The following ZBTB20 variants were observed in gnomAD, a reference collection of about 807,000 sequenced individuals.
The protein encoded by ZBTB20 is zinc finger and BTB domain-containing protein 20.
Under a neutral mutation model 56.9 loss-of-function variants are expected in ZBTB20, and 9 were observed. The ratio of observed to expected loss-of-function variants is 0.16; its 90% CI spans 0.10 to 0.28. The LOEUF (loss-of-function observed/expected upper bound fraction) is 0.28, where lower values mean the gene tolerates loss of function less well. Ranked by LOEUF, ZBTB20 falls within the 10% of genes least tolerant of loss-of-function variation. ZBTB20 has a pLI of 1.00. For synonymous variants in ZBTB20, 417 were observed against 420.7 expected, an observed-to-expected ratio of 0.99 and a Z score of 0.11; for missense variants, 655 against 1,003.0, an observed-to-expected ratio of 0.65 and a Z score of 4.69.
chr3:114,649,659 G>GA (rs1271565820), intron 6 of ZBTB20, among the ~76,000 whole-genome samples: 7 of 151,378 alleles, frequency 4.6e-5, no homozygotes, highest in East Asian at 1.9e-4. Context: ...TCTATATATA[G>GA]AAAAAAAACA....
At chr3:114,648,970 A>C (rs1269389401) in intron 6 of ZBTB20, among the ~76,000 whole-genome samples, 1 of 152,040 alleles carries the variant, frequency 6.6e-6, no homozygotes, top group East Asian at 1.9e-4. Context: ...AAGTTGACCT[A>C]TACGTTACTA....
intron 7 of ZBTB20, among the ~76,000 whole-genome samples, chr3:114,449,542 G>C (rs753899427): frequency 1.3e-5 from 2 of 151,994 alleles, no homozygotes; most frequent in African/African-American, 2.4e-5. Flanking sequence ...AATATTCTTC[G>C]ATAGCGATGA....
chr3:114,774,874 C>T (rs1252696666), intron 5 of ZBTB20, among the ~76,000 whole-genome samples: 1 of 151,800 alleles, frequency 6.6e-6, no homozygotes, highest in East Asian at 1.9e-4. Context: ...AGATGCTTTA[C>T]AACTGTTACC....
intron 7 of ZBTB20, among the ~76,000 whole-genome samples, chr3:114,463,942 G>T (rs1452562091): frequency 1.3e-5 from 2 of 152,158 alleles, no homozygotes; most frequent in Non-Finnish European, 2.9e-5. Flanking sequence ...TTCAACATAA[G>T]TCATTAATAT....
chr3:114,361,608 G>C (rs2081893806), intron 10 of ZBTB20, among the ~76,000 whole-genome samples: 1 of 152,120 alleles, frequency 6.6e-6, no homozygotes, highest in East Asian at 1.9e-4. Context: ...ATAAAACAAA[G>C]AGTTTTCTTT....
rs2079180330 is a variant in ZBTB20, at chr3:114,329,726, A to AC, written c.*9278_*9279insG. 2 of 149,926 alleles carry AC rather than the reference A, an allele frequency of 1.3e-5. No individual in the cohort carries two copies. Among genetic ancestry groups the AC allele is most frequent in the Non-Finnish European group, 3.0e-5 (2 of 67,464 alleles). 9.3% of individuals were successfully genotyped at this position (149,926 alleles called of 1,614,324 possible). Reference sequence around the variant, plus strand: ...TTTTTTTGGAAAAAAAAAAAAAAAAAAAAAAAAAAAACAACTCCCAGGAAA... The same window carrying AC: ...TTTTTTTGGAAAAAAAAAAAAAAAAACAAAAAAAAAAACAACTCCCAGGAAA... On this transcript the variant is annotated 3_prime_UTR_variant, in exon 12 of 12. Coordinates refer to ENST00000675478, the MANE Select transcript of ZBTB20 (RefSeq NM_001348800.3).
intron 7 of ZBTB20, among the ~76,000 whole-genome samples, chr3:114,488,587 A>G (rs967906493): frequency 1.3e-5 from 2 of 152,232 alleles, no homozygotes; most frequent in Non-Finnish European, 2.9e-5. Context: ...ACTGAAAATT[A>G]CAGAATTAGT....
At chr3:115,003,033 G>T (rs983787832) in intron 2 of ZBTB20, among the ~76,000 whole-genome samples, 4 of 151,566 alleles carry the variant, frequency 2.6e-5, no homozygotes, top group African/African-American at 9.7e-5. Context: ...AGTGCATACT[G>T]CTAAATGAAA....
At chr3:114,642,687 T>C (rs924686934) in intron 6 of ZBTB20, among the ~76,000 whole-genome samples, 1 of 152,078 alleles carries the variant, frequency 6.6e-6, no homozygotes, top group Non-Finnish European at 1.5e-5. Flanking sequence ...CTTGCAATTT[T>C]CTGAAAACGT....
intron 4 of ZBTB20, among the ~76,000 whole-genome samples, chr3:114,828,987 G>C (rs1298117134): frequency 6.6e-6 from 1 of 151,766 alleles, no homozygotes; most frequent in African/African-American, 2.4e-5. Flanking sequence ...GGTCACTTAT[G>C]GATTCTAGCT....
chr3:114,997,676 A>T (rs2108194643), intron 2 of ZBTB20, among the ~76,000 whole-genome samples: 1 of 151,910 alleles, frequency 6.6e-6, no homozygotes, highest in African/African-American at 2.4e-5. Context: ...AATACTGCAA[A>T]ATTTCTAAAA....
chr3:115,146,926 C>A (rs1160796360), intron 1 of ZBTB20, among the ~76,000 whole-genome samples: 1 of 151,388 alleles, frequency 6.6e-6, no homozygotes. Context: ...CTCCCTCCCA[C>A]CTCCCCGCCG....
chr3:114,862,487 A>G (rs2075579610), intron 4 of ZBTB20, among the ~76,000 whole-genome samples: 1 of 152,174 alleles, frequency 6.6e-6, no homozygotes, highest in Admixed American at 6.5e-5. Context: ...TCAAAACTCG[A>G]ATAAACATCC....
At chr3:115,015,420 T>A (rs2079909041) in intron 2 of ZBTB20, among the ~76,000 whole-genome samples, 1 of 151,772 alleles carries the variant, frequency 6.6e-6, no homozygotes, top group African/African-American at 2.4e-5. Flanking sequence ...CACCTAGGTA[T>A]TAAACCCAGC....
intron 2 of ZBTB20, among the ~76,000 whole-genome samples, chr3:114,976,001 T>A (rs113295742): frequency 1.9e-3 from 291 of 152,282 alleles, no homozygotes; most frequent in African/African-American, 6.7e-3. Flanking sequence ...TAAATCTGTA[T>A]CTATTTACAG....
chr3:114,467,583 A>G (rs1320067355), intron 7 of ZBTB20, among the ~76,000 whole-genome samples: 2 of 152,226 alleles, frequency 1.3e-5, no homozygotes, highest in African/African-American at 4.8e-5. Context: ...CATCTTTGAA[A>G]GGACCACCTC....
At chr3:114,554,250 C>T (rs541585543) in intron 6 of ZBTB20, among the ~76,000 whole-genome samples, 26 of 152,216 alleles carry the variant, frequency 1.7e-4, no homozygotes, top group Admixed American at 1.1e-3. Context: ...AGGGGAGGCC[C>T]TAAATGATTA....
chr3:114,686,646 A>G (rs114439220), intron 6 of ZBTB20, among the ~76,000 whole-genome samples: 2,460 of 152,148 alleles, frequency 0.016, 23 homozygotes, highest in Middle Eastern at 0.034. Context: ...ACCTTTCTCT[A>G]TCATTTTTCA....
intron 10 of ZBTB20, among the ~76,000 whole-genome samples, chr3:114,371,867 C>A (rs1256759233): frequency 2.7e-5 from 4 of 150,746 alleles, no homozygotes; most frequent in Non-Finnish European, 5.9e-5. Flanking sequence ...TTAGAACTGG[C>A]ACACATTCCT....
Sources: allele counts gnomAD v4.1 joint callset (sites outside exome capture counted in the v4.1 genomes callset), GRCh38; gene constraint gnomAD v4.1.1; transcripts MANE v1.5; gene names NCBI Gene and HGNC (gene_info 2026-07-23, HGNC 2026-07-21).